NAV1: variants seen among roughly 807,000 people sequenced by gnomAD.
NAV1 encodes neuron navigator 1.
A neutral mutation model predicts 175.2 loss-of-function variants in NAV1; 18 were observed. The ratio of observed to expected loss-of-function variants is 0.10; its 90% CI spans 0.07 to 0.15. The LOEUF (loss-of-function observed/expected upper bound fraction) is 0.15. Among genes scored for constraint, NAV1 ranks in the 10% least tolerant of loss-of-function variants. The pLI, the probability that NAV1 is intolerant of heterozygous loss-of-function variation, is 1.00. For synonymous variants in NAV1, 897 were observed against 978.7 expected (o/e 0.92, Z 1.56); for missense variants, 1,731 against 2,436.6 (o/e 0.71, Z 6.10).
At chr1:201,627,739 G>A (rs760887302) in intron 1 of NAV1, among the ~76,000 whole-genome samples, 1 of 152,004 alleles carries the variant, frequency 6.6e-6, no homozygotes, top group Non-Finnish European at 1.5e-5. Flanking sequence ...CCAATATGTT[G>A]CATCCCCTAC....
At chr1:201,770,344 A>G (rs1571474683) in intron 3 of NAV1, among the ~76,000 whole-genome samples, 1 of 152,182 alleles carries the variant, frequency 6.6e-6, no homozygotes, top group Admixed American at 6.5e-5. Flanking sequence ...AGACTATGGT[A>G]TCAGTGCTAG....
At chr1:201,578,057 T>G (rs1183579798) in intron 1 of NAV1, among the ~76,000 whole-genome samples, 1 of 150,978 alleles carries the variant, frequency 6.6e-6, no homozygotes, top group Non-Finnish European at 1.5e-5. Flanking sequence ...TTTCAACTAT[T>G]TTTTCTTGGA....
At chr1:201,581,701 C>T (rs1172537850) in intron 1 of NAV1, among the ~76,000 whole-genome samples, 2 of 151,720 alleles carry the variant, frequency 1.3e-5, no homozygotes, top group African/African-American at 2.4e-5. Context: ...TCGTGGTGGG[C>T]GCCTGTTATC....
intron 2 of NAV1, among the ~76,000 whole-genome samples, chr1:201,641,850 T>C (rs1668761405): frequency 6.6e-6 from 1 of 152,142 alleles, no homozygotes; most frequent in Non-Finnish European, 1.5e-5. Context: ...GGAAGCCAAG[T>C]ATGGGCTCAT....
At chr1:201,769,446 A>G (rs1675422686) in intron 3 of NAV1, among the ~76,000 whole-genome samples, 1 of 152,156 alleles carries the variant, frequency 6.6e-6, no homozygotes, top group Non-Finnish European at 1.5e-5. Flanking sequence ...ATGCTCTTTT[A>G]CCGCTCTGCC....
chr1:201,691,467 T>G (rs996298102), intron 1 of NAV1, among the ~76,000 whole-genome samples: 4 of 152,186 alleles, frequency 2.6e-5, no homozygotes, highest in African/African-American at 9.6e-5. Context: ...GTTTGGCACA[T>G]AGAAAGTGCA....
At chr1:201,739,167 C>A (rs1285207628) in intron 3 of NAV1, 3 of 152,184 alleles carry the variant, frequency 2.0e-5, no homozygotes, top group African/African-American at 7.2e-5. Flanking sequence ...CCTTGGGTGG[C>A]GTGAGCTGTT....
At chr1:201,761,250 A>G (rs1674823007) in intron 3 of NAV1, among the ~76,000 whole-genome samples, 1 of 152,230 alleles carries the variant, frequency 6.6e-6, no homozygotes, top group South Asian at 2.1e-4. Context: ...GGAGTGAGAA[A>G]ACTGAATATG....
chr1:201,542,498 C>T (rs1314518825), intron 1 of NAV1, among the ~76,000 whole-genome samples: 1 of 152,220 alleles, frequency 6.6e-6, no homozygotes, highest in Non-Finnish European at 1.5e-5. Flanking sequence ...ACACCCTCCA[C>T]AGTAAACCGT....
chr1:201,609,923 A>G (rs1294141838), intron 2 of NAV1, among the ~76,000 whole-genome samples: 3 of 152,238 alleles, frequency 2.0e-5, no homozygotes, highest in East Asian at 1.9e-4. Context: ...CACTTCCCCA[A>G]TGACCTAGAT....
intron 2 of NAV1, among the ~76,000 whole-genome samples, chr1:201,603,400 G>A (rs1232781556): frequency 6.6e-6 from 1 of 152,154 alleles, no homozygotes; most frequent in African/African-American, 2.4e-5. Flanking sequence ...AAATTTACAG[G>A]AATGGTTGTT....
chr1:201,810,019 G>C lies in NAV1; in HGVS notation c.4475G>C (p.Ser1492Thr), dbSNP rs1678589232. Residue 1492 changes from serine (S) to threonine (T), a missense_variant, in exon 23 of 30, where the codon AGC (serine) becomes ACC (threonine). Physicochemically the swap from Ser to Thr is moderately conservative, Grantham distance 58. Coordinates refer to ENST00000367296, the Ensembl canonical transcript of NAV1. This position sits in a 1 kb window ranked among gnomAD's most constrained non-coding sequence, Gnocchi z 6.0. ...GAGTCCATCCATGGCTACAGCATCA[G>C]CCACGTGAAACGAGTGTTGGATGCA... 1 of 1,613,946 alleles carries C rather than the reference G, an allele frequency of 6.2e-7. No homozygotes were observed. Among genetic ancestry groups the C allele is most frequent in the Non-Finnish European group, 8.5e-7 (1 of 1,180,028 alleles).
chr1:201,728,419 C>A (rs1333668606), intron 3 of NAV1, among the ~76,000 whole-genome samples: 1 of 151,938 alleles, frequency 6.6e-6, no homozygotes, highest in Non-Finnish European at 1.5e-5. Context: ...TGGTGAAACC[C>A]CGCCTCTACT....
chr1:201,691,983 C>T (rs558028275), intron 1 of NAV1, among the ~76,000 whole-genome samples: 1 of 152,328 alleles, frequency 6.6e-6, no homozygotes, highest in South Asian at 2.1e-4. Flanking sequence ...GCATTAGCCT[C>T]TCTTGGTCAT....
chr1:201,648,023 C>T (rs948139239), upstream of NAV1, among the ~76,000 whole-genome samples: 2 of 149,938 alleles, frequency 1.3e-5, 1 homozygote, highest in Admixed American at 1.3e-4. Flanking sequence ...CCCCACTCAT[C>T]CGCCCCTGGA....
chr1:201,542,148 G>A (rs79558714), intron 1 of NAV1, among the ~76,000 whole-genome samples: 4 of 152,278 alleles, frequency 2.6e-5, no homozygotes, highest in South Asian at 4.1e-4. Context: ...GCAGAAGCCC[G>A]CCTAGAATGC....
intron 2 of NAV1, among the ~76,000 whole-genome samples, chr1:201,643,101 T>C (rs868511377): frequency 1.4e-5 from 2 of 141,278 alleles, no homozygotes; most frequent in Admixed American, 6.7e-5. Flanking sequence ...CTTTTTCTCT[T>C]TCTTTCTTTC....
chr1:201,605,167 T>C (rs1393456821), intron 2 of NAV1, among the ~76,000 whole-genome samples: 1 of 151,334 alleles, frequency 6.6e-6, no homozygotes, highest in East Asian at 1.9e-4. Context: ...TCCTGTCTTC[T>C]GCTTCTCTCC....
intron 1 of NAV1, among the ~76,000 whole-genome samples, chr1:201,699,428 A>G (rs552092355): frequency 1.3e-5 from 2 of 151,086 alleles, no homozygotes; most frequent in Admixed American, 6.6e-5. Context: ...CCACTGCTCA[A>G]TGAAATAAAA....
Sources: allele counts gnomAD v4.1 joint callset (sites outside exome capture counted in the v4.1 genomes callset), GRCh38; gene constraint gnomAD v4.1.1; non-coding constraint Gnocchi (gnomAD v3.1); transcripts MANE v1.5; gene names NCBI Gene and HGNC (gene_info 2026-07-23, HGNC 2026-07-21).